The following ME1 variants were observed in gnomAD, a reference collection of about 807,000 sequenced individuals.
The protein encoded by ME1 is NADP-dependent malic enzyme.
ME1 carries 74 observed loss-of-function variants against 66.4 expected under a neutral mutation model. That is an observed-to-expected ratio of 1.11 (90% CI 0.92 to 1.35). The LOEUF (loss-of-function observed/expected upper bound fraction) is 1.35, where lower values mean the gene tolerates loss of function less well. Among genes scored for constraint, ME1 ranks in the 40% most tolerant of loss-of-function variants. The pLI is 0.00. For synonymous variants in ME1, 251 were observed against 235.6 expected (o/e 1.07, Z -0.60); for missense variants, 750 against 694.1 (o/e 1.08, Z -0.90).
At chr6:83,332,807 A>G (rs955968470) in intron 5 of ME1, among the ~76,000 whole-genome samples, 4 of 152,054 alleles carry the variant, frequency 2.6e-5, no homozygotes, top group African/African-American at 9.7e-5. Context: ...ATTGGGTACA[A>G]TGTTTTTCAG....
chr6:83,252,538 C>T (rs1322651895), intron 7 of ME1, among the ~76,000 whole-genome samples: 19 of 152,148 alleles, frequency 1.2e-4, no homozygotes, highest in African/African-American at 2.4e-4. Flanking sequence ...TACGCTCAAG[C>T]GATCTGCCTG....
chr6:83,362,244 G>A (rs1413385599), intron 3 of ME1, among the ~76,000 whole-genome samples: 1 of 152,230 alleles, frequency 6.6e-6, no homozygotes, highest in East Asian at 1.9e-4. Flanking sequence ...GATGGTCAGG[G>A]ACTTGGAAGA....
chr6:83,380,202 A>G (rs76663892), intron 3 of ME1, among the ~76,000 whole-genome samples: 45 of 152,258 alleles, frequency 3.0e-4, no homozygotes, highest in African/African-American at 9.6e-4. Context: ...TATGAAATAG[A>G]TTGTGAAAAT....
chr6:83,245,002 C>T (rs150370647), intron 7 of ME1, among the ~76,000 whole-genome samples: 5 of 152,046 alleles, frequency 3.3e-5, no homozygotes, highest in African/African-American at 7.2e-5. Context: ...ATCAAAGAGC[C>T]GTTTTTAGTG....
At chr6:83,235,020 A>G (rs1040721741) in intron 9 of ME1, among the ~76,000 whole-genome samples, 4 of 152,190 alleles carry the variant, frequency 2.6e-5, no homozygotes, top group Non-Finnish European at 5.9e-5. Flanking sequence ...AGCTTCTATC[A>G]AGATCTCTCA....
chr6:83,392,417 T>C (rs1769639440), intron 3 of ME1: 3 of 483,596 alleles, frequency 6.2e-6, no homozygotes, highest in African/African-American at 4.9e-5. Context: ...TGAGACACCA[T>C]GGTGAAGGTG....
At chr6:83,357,648 C>G (rs1768914448) in intron 3 of ME1, among the ~76,000 whole-genome samples, 1 of 151,818 alleles carries the variant, frequency 6.6e-6, no homozygotes, top group African/African-American at 2.4e-5. Context: ...GTGGACCCAC[C>G]CTTAATCTGG....
In ME1 at chr6:83,418,015, G is replaced by T. The variant is rs138809359; in HGVS notation, c.79-10114C>A. 4.7e-3 allele frequency among the ~76,000 whole-genome samples: 721 copies of T among 152,236 alleles called. 8 individuals carry two copies. Among genetic ancestry groups the T allele is most frequent in the African/African-American group, 0.017 (690 of 41,548 alleles). On this transcript the variant is annotated intron_variant, in intron 1 of 13. Transcript: ENST00000369705. ...AAATATGTTGAAAACTGTTGCAGAGGACTGTTTCAGTTTCTTAAGGGATAT... is the reference window on the plus strand; with the variant it reads ...AAATATGTTGAAAACTGTTGCAGAGTACTGTTTCAGTTTCTTAAGGGATAT...
rs139661686 is a variant in ME1, at chr6:83,350,398, G to A, written c.438+1666C>T. ...TAGCTTACTGCCTAGCTGTTAGGACGATTACAGGGATATTGGCTAGAACTC... is the reference window on the plus strand; with the variant it reads ...TAGCTTACTGCCTAGCTGTTAGGACAATTACAGGGATATTGGCTAGAACTC... On this transcript the variant is annotated intron_variant, in intron 4 of 13. Coordinates refer to ENST00000369705, the MANE Select transcript of ME1 (RefSeq NM_002395.6). Among the ~76,000 whole-genome samples, 388 of 152,280 alleles carry A rather than the reference G, an allele frequency of 2.5e-3. 3 individuals carry two copies. Among genetic ancestry groups the A allele is most frequent in the African/African-American group, 8.5e-3 (352 of 41,554 alleles).
intron 3 of ME1, among the ~76,000 whole-genome samples, chr6:83,364,411 T>C (rs1316653136): frequency 6.6e-6 from 1 of 152,174 alleles, no homozygotes; most frequent in Non-Finnish European, 1.5e-5. Flanking sequence ...TATATTCCAT[T>C]AGTTCTGTCC....
chr6:83,245,129 A>T (rs778812067), intron 7 of ME1, among the ~76,000 whole-genome samples: 21 of 152,002 alleles, frequency 1.4e-4, no homozygotes, highest in Non-Finnish European at 2.6e-4. Flanking sequence ...GAAAAGGAAG[A>T]ATGGGGTGAG....
chr6:83,380,236 C>T (rs1769369927), intron 3 of ME1, among the ~76,000 whole-genome samples: 1 of 151,918 alleles, frequency 6.6e-6, no homozygotes, highest in South Asian at 2.1e-4. Context: ...CGAGGGCATT[C>T]AACTTGGGGT....
At chr6:83,301,238 G>C (rs952383506) in intron 6 of ME1, among the ~76,000 whole-genome samples, 5 of 117,750 alleles carry the variant, frequency 4.2e-5, no homozygotes, top group African/African-American at 2.2e-4. Context: ...GTCCTCCCTT[G>C]CTTCCTTTCT....
chr6:83,288,948 T>C (rs1193994625), intron 6 of ME1, among the ~76,000 whole-genome samples: 3 of 152,038 alleles, frequency 2.0e-5, no homozygotes. Flanking sequence ...TGGCTCTGTG[T>C]TTGTCTGTTA....
chr6:83,370,965 T>C (rs1769184431), intron 3 of ME1, among the ~76,000 whole-genome samples: 1 of 152,054 alleles, frequency 6.6e-6, no homozygotes, highest in Non-Finnish European at 1.5e-5. Context: ...TACGGTAGAA[T>C]TCAATTACCT....
chr6:83,216,297 G>A (rs534036669), intron 13 of ME1, among the ~76,000 whole-genome samples: 1 of 152,180 alleles, frequency 6.6e-6, no homozygotes, highest in Admixed American at 6.5e-5. Context: ...TAATTATTCG[G>A]CCCAATACTT....
At chr6:83,325,367 C>A (rs1287146125) in intron 5 of ME1, among the ~76,000 whole-genome samples, 1 of 152,002 alleles carries the variant, frequency 6.6e-6, no homozygotes, top group Non-Finnish European at 1.5e-5. Context: ...CTGGCCAGGG[C>A]AATCAGGCAA....
At position 83,227,335 on chromosome 6, in the gene ME1, C is replaced by T. The variant is rs754401393; in HGVS notation, c.1275G>A (p.Lys425=). 2.6e-6 allele frequency: 4 copies of T among 1,519,270 alleles called. No individual in the cohort carries two copies. The South Asian group carries it at 5.4e-5, about 20-fold the overall frequency. The allele number at this position is 1,519,270 out of a possible 1,614,324, so 94.1% of individuals were successfully genotyped here. A position where few individuals can be genotyped will look rare whatever the true frequency, so the allele number is the denominator to read the frequency against. ...AATATCTGTTATAGTTTTACTTTACCTTGGTTATTTTGTAGCACTGCTCTG... is the reference window on the plus strand; with the variant it reads ...AATATCTGTTATAGTTTTACTTTACTTTGGTTATTTTGTAGCACTGCTCTG... The part of the protein sequence containing the change: ...CSAEQCYKIT[K]GRAIFASGSP... Residue 425 remains lysine (K), a splice_region_variant and synonymous_variant, in exon 11 of 14, where the codon AAG becomes AAA. Coordinates refer to ENST00000369705, the MANE Select transcript of ME1 (RefSeq NM_002395.6).
At chr6:83,270,895 A>G (rs1218536260) in intron 6 of ME1, among the ~76,000 whole-genome samples, 2 of 152,044 alleles carry the variant, frequency 1.3e-5, no homozygotes, top group African/African-American at 4.8e-5. Context: ...ACTGTTCCAC[A>G]CTAATAAATA....
Sources: allele counts gnomAD v4.1 joint callset (sites outside exome capture counted in the v4.1 genomes callset), GRCh38; gene constraint gnomAD v4.1.1; transcripts MANE v1.5; gene names NCBI Gene and HGNC (gene_info 2026-07-23, HGNC 2026-07-21).